The following ABLIM3 variants were observed in gnomAD, a reference collection of about 807,000 sequenced individuals.
The protein encoded by ABLIM3 is actin binding LIM protein family member 3, also known as actin-binding LIM protein 3.
In ABLIM3, 61 loss-of-function variants were observed where a neutral mutation model predicts 109.5. That is an observed-to-expected ratio of 0.56 (90% confidence interval 0.45 to 0.69). The LOEUF (loss-of-function observed/expected upper bound fraction) is 0.69, where lower values mean the gene tolerates loss of function less well. ABLIM3 is among the 30% of genes least tolerant of loss of function. The pLI is 0.00. For missense variants in ABLIM3, 796 were observed against 889.5 expected, an observed-to-expected ratio of 0.89 and a Z score of 1.34; for synonymous variants, 300 against 324.8, an observed-to-expected ratio of 0.92 and a Z score of 0.82.
At position 149,247,671 on chromosome 5, in the gene ABLIM3, A is replaced by G. The variant is rs760978373; in HGVS notation, c.1552-111A>G. 2.1e-6 allele frequency: 3 copies of G among 1,412,416 alleles called. No homozygotes were observed. The African/African-American group carries it at 4.2e-5, about 20-fold the overall frequency. 87.5% of individuals were successfully genotyped at this position (1,412,416 alleles called of 1,614,324 possible). Reference sequence around the variant, plus strand: ...TGGGAGGGACGCTGGGAAGGCAAACATGAGAGCAGGCTGCTATGGAGGATG... The same window carrying G: ...TGGGAGGGACGCTGGGAAGGCAAACGTGAGAGCAGGCTGCTATGGAGGATG... On this transcript the variant is annotated intron_variant, in intron 17 of 23. Transcript: ENST00000309868.
In ABLIM3 at chr5:149,171,259, A is replaced by G. The variant is rs372829074; in HGVS notation, c.14-12193A>G. On this transcript the variant is annotated intron_variant, in intron 2 of 23. Coordinates refer to ENST00000309868, the MANE Select transcript of ABLIM3 (RefSeq NM_014945.5). ...GAAAGTGTTTTTTCTTTATCTTTAC[A>G]TCTCCACACTGTTTAGTCTCATTTT... is the stretch of plus-strand genomic sequence containing the variant. 4.0e-4 allele frequency among the ~76,000 whole-genome samples: 61 copies of G among 152,290 alleles called. 3 individuals are homozygous for G. The South Asian group carries it at 0.013, about 32-fold the overall frequency.
In ABLIM3 at chr5:149,239,834, C is replaced by T. The variant is rs769537775; in HGVS notation, c.1150C>T (p.Arg384Trp). 2.0e-5 allele frequency: 32 copies of T among 1,611,126 alleles called. No homozygotes were observed. Among genetic ancestry groups the T allele is most frequent in the Non-Finnish European group, 2.4e-5 (28 of 1,178,614 alleles). Residue 384 changes from arginine to tryptophan, a missense_variant, in exon 13 of 24, where the codon CGG becomes TGG. Physicochemically the swap from Arg to Trp is moderately radical, Grantham distance 101. Coordinates refer to ENST00000309868, the MANE Select transcript of ABLIM3 (RefSeq NM_014945.5). ...PGYIDSPTYS[R>W]QGMSPTFSRS... ...GTACATAGACTCCCCCACCTACAGC[C>T]GGCAGGGCATGTCCCCCACCTTCTC...
Position 149,225,976 on chromosome 5 carries a change from GTGTGTGTATATATATATATATATATA to G in ABLIM3, c.758-4671_758-4646del, listed in dbSNP as rs1190370253. Among the ~76,000 whole-genome samples, 207 of 38,538 alleles carry G rather than the reference GTGTGTGTATATATATATATATATATA, an allele frequency of 5.4e-3. 2 individuals carry two copies. Among genetic ancestry groups the G allele is most frequent in the African/African-American group, 0.013 (183 of 14,056 alleles). 25.3% of individuals were successfully genotyped at this position (38,538 alleles called of 152,430 possible). ...ATATAATATGTGTGTGTGTGTGTGTGTGTGTGTATATATATATATATATATATATATATATATATATATATATATAT... is the reference window on the plus strand; with the variant it reads ...ATATAATATGTGTGTGTGTGTGTGTGTATATATATATATATATATATATAT... On this transcript the variant is annotated intron_variant, in intron 8 of 23. Coordinates refer to ENST00000309868, the MANE Select transcript of ABLIM3 (RefSeq NM_014945.5).
chr5:149,204,979 A>C (rs1368515554), intron 5 of ABLIM3, among the ~76,000 whole-genome samples: 1 of 152,232 alleles, frequency 6.6e-6, no homozygotes, highest in African/African-American at 2.4e-5. Flanking sequence ...CTATGCAATA[A>C]GTTTTGTTGA....
At chr5:149,229,914 TAA>T (rs1211878829) in intron 8 of ABLIM3, among the ~76,000 whole-genome samples, 1 of 152,218 alleles carries the variant, frequency 6.6e-6, no homozygotes, top group Non-Finnish European at 1.5e-5. Flanking sequence ...AGCAGTATAC[TAA>T]ATTTGAAGAG....
chr5:149,216,549 T>G, intron 7 of ABLIM3: 1 of 162,640 alleles, frequency 6.1e-6, no homozygotes. Flanking sequence ...TGGTCCAATG[T>G]TATTAAATCC....
intron 3 of ABLIM3, among the ~76,000 whole-genome samples, chr5:149,192,632 A>G (rs1262570843): frequency 6.8e-6 from 1 of 146,120 alleles, no homozygotes; most frequent in Non-Finnish European, 1.5e-5. Context: ...CTCAAAAAAA[A>G]AAAAGAAAAA....
At position 149,258,781 on chromosome 5, in the gene ABLIM3, A is replaced by C; in HGVS notation, c.*377A>C. 2.0e-6 allele frequency: 2 copies of C among 996,316 alleles called. No homozygotes were observed. Among genetic ancestry groups the C allele is most frequent in the Non-Finnish European group, 2.4e-6 (2 of 837,360 alleles). The allele number at this position is 996,316 out of a possible 1,614,324, so 61.7% of individuals were successfully genotyped here. A position where few individuals can be genotyped will look rare whatever the true frequency, so the allele number is the denominator to read the frequency against. ...TAAATTTCTAGGGCTGATGCTGACC[A>C]TGTGGTTTCCACACCTTATTGGCCC... On this transcript the variant is annotated 3_prime_UTR_variant, in exon 24 of 24. Coordinates refer to ENST00000309868, the MANE Select transcript of ABLIM3 (RefSeq NM_014945.5).
intron 7 of ABLIM3, among the ~76,000 whole-genome samples, chr5:149,213,753 G>A (rs948534311): frequency 1.3e-5 from 2 of 151,982 alleles, no homozygotes; most frequent in Non-Finnish European, 2.9e-5. Context: ...GGCAGCTGTT[G>A]TGACTGAGTT....
At chr5:149,147,189 G>A (rs544317220) in intron 2 of ABLIM3, among the ~76,000 whole-genome samples, 1 of 151,884 alleles carries the variant, frequency 6.6e-6, no homozygotes, top group African/African-American at 2.4e-5. Context: ...CAGCTTCAGT[G>A]TTATAGGTGT....
chr5:149,171,023 T>C (rs1029470003), intron 2 of ABLIM3, among the ~76,000 whole-genome samples: 2 of 152,208 alleles, frequency 1.3e-5, no homozygotes, highest in Non-Finnish European at 2.9e-5. Flanking sequence ...CAGGAATAAT[T>C]CATAAAAATC....
chr5:149,236,568 A>T (rs537499539), intron 10 of ABLIM3, among the ~76,000 whole-genome samples: 36 of 152,222 alleles, frequency 2.4e-4, no homozygotes, highest in African/African-American at 8.7e-4. Context: ...TGTCACATGC[A>T]AGGGGAAGCT....
chr5:149,163,183 G>A (rs1040900119), intron 2 of ABLIM3, among the ~76,000 whole-genome samples: 1 of 152,148 alleles, frequency 6.6e-6, no homozygotes, highest in Non-Finnish European at 1.5e-5. Context: ...TCATCAGATT[G>A]CATTTTGAAT....
intron 11 of ABLIM3, 141 bp downstream of exon 11, chr5:149,237,744 TTTTTTAAATGAAGA>T: frequency 9.1e-7 from 1 of 1,104,018 alleles, no homozygotes; most frequent in South Asian, 1.8e-5. Flanking sequence ...ATGGCCAACG[TTTTTTAAATGAAGA>T]GATTTCATTT....
intron 23 of ABLIM3, among the ~76,000 whole-genome samples, chr5:149,257,444 T>G (rs1358227025): frequency 6.6e-6 from 1 of 152,244 alleles, no homozygotes; most frequent in Non-Finnish European, 1.5e-5. Context: ...TCCATTAAGT[T>G]TGTAAGCAGT....
rs755473031 is a variant in ABLIM3 at position 149,210,731 on chromosome 5, G to A, written c.581G>A (p.Gly194Asp). Residue 194 changes from glycine (G) to aspartate (D), a missense_variant, in exon 7 of 24, where the codon GGT becomes GAT. Transcript: ENST00000309868. ...ILTGEYISKDGVPYCESDYHA... is the reference protein window; with the variant it reads ...ILTGEYISKDDVPYCESDYHA... ...ATGTGAACTTCTTCTTGCAGGGATG[G>A]TGTTCCATACTGTGAGTCCGACTAC... 5.0e-6 allele frequency: 8 copies of A among 1,613,900 alleles called. No individual in the cohort carries two copies. In the Admixed American group the frequency reaches 8.3e-5, roughly 17 times the overall value.
intron 23 of ABLIM3, among the ~76,000 whole-genome samples, chr5:149,253,863 A>G (rs1754176973): frequency 6.6e-6 from 1 of 152,132 alleles, no homozygotes; most frequent in African/African-American, 2.4e-5. Flanking sequence ...CGGCTAATGA[A>G]GATATACCTG....
intron 2 of ABLIM3, among the ~76,000 whole-genome samples, chr5:149,146,174 T>C (rs1395266529): frequency 6.6e-6 from 1 of 152,218 alleles, no homozygotes; most frequent in African/African-American, 2.4e-5. Flanking sequence ...TTTGTTTTGC[T>C]TGTTGAATTG....
Position 149,156,156 on chromosome 5 carries a change from G to A in ABLIM3, c.13+14048G>A, listed in dbSNP as rs75774993. ...GCTTGCTGTATATTCTAATACCTGG[G>A]ACTGTGAAAACTGGTACTTTGAAAA... On this transcript the variant is annotated intron_variant, in intron 2 of 23. Transcript: ENST00000309868. Among the ~76,000 whole-genome samples the A allele has an allele frequency of 9.5e-3, 1,453 of 152,352 alleles. 13 individuals are homozygous for A. The highest frequency in any genetic ancestry group is 0.054 in the Middle Eastern group (16 of 294).
Sources: allele counts gnomAD v4.1 joint callset (sites outside exome capture counted in the v4.1 genomes callset), GRCh38; gene constraint gnomAD v4.1.1; transcripts MANE v1.5; gene names NCBI Gene and HGNC (gene_info 2026-07-23, HGNC 2026-07-21).